The following AGBL4 variants were observed in gnomAD, a reference collection of about 807,000 sequenced individuals.
The protein encoded by AGBL4 is cytosolic carboxypeptidase 6.
Under a neutral mutation model 66.4 loss-of-function variants are expected in AGBL4, and 58 were observed. The ratio of observed to expected loss-of-function variants is 0.87; its 90% CI spans 0.71 to 1.09. The LOEUF (loss-of-function observed/expected upper bound fraction) is 1.09. Ranked by LOEUF, AGBL4 falls within the 50% of genes least tolerant of loss-of-function variation. The pLI, the probability that AGBL4 is intolerant of heterozygous loss-of-function variation, is 0.00. For missense variants in AGBL4, 579 were observed against 631.0 expected (o/e 0.92, Z 0.88); for synonymous variants, 234 against 222.9 (o/e 1.05, Z -0.44).
intron 2 of AGBL4, among the ~76,000 whole-genome samples, chr1:49,750,593 T>A (rs1651376387): frequency 6.6e-6 from 1 of 152,214 alleles, no homozygotes; most frequent in South Asian, 2.1e-4. Context: ...TGGTTCCATA[T>A]GAAATTTAAA....
chr1:49,747,003 A>G (rs925204446), intron 2 of AGBL4, among the ~76,000 whole-genome samples: 2 of 152,166 alleles, frequency 1.3e-5, no homozygotes, highest in African/African-American at 4.8e-5. Context: ...TCTAAAGTGA[A>G]AAAATACTCT....
intron 6 of AGBL4, chr1:48,742,594 G>A (rs1277330599): frequency 4.0e-6 from 6 of 1,496,110 alleles, no homozygotes; most frequent in Non-Finnish European, 4.5e-6. Context: ...AACACTTGCA[G>A]GGAATGGATA....
At chr1:48,557,761 C>G (rs1479307581) in intron 11 of AGBL4, among the ~76,000 whole-genome samples, 1 of 152,218 alleles carries the variant, frequency 6.6e-6, no homozygotes, top group Non-Finnish European at 1.5e-5. Context: ...ACCATAAGCT[C>G]TCAGAACAAT....
chr1:48,818,361 A>C, intron 6 of AGBL4: 1 of 685,986 alleles, frequency 1.5e-6, no homozygotes, highest in Non-Finnish European at 2.7e-6. Context: ...TACATGAAAC[A>C]TTGCACTAAG....
At chr1:48,589,957 A>G (rs1569909235) in intron 10 of AGBL4, among the ~76,000 whole-genome samples, 1 of 152,218 alleles carries the variant, frequency 6.6e-6, no homozygotes, top group East Asian at 1.9e-4. Context: ...AGTCAACTCC[A>G]TTAAAGAAGG....
At chr1:48,582,644 GC>G (rs1331740142) in intron 11 of AGBL4, among the ~76,000 whole-genome samples, 5 of 152,316 alleles carry the variant, frequency 3.3e-5, no homozygotes, top group Non-Finnish European at 5.9e-5. Flanking sequence ...CCTACCAGAT[GC>G]CAGGCAGTAC....
chr1:49,321,524 C>T (rs1494461), intron 3 of AGBL4, among the ~76,000 whole-genome samples: 92,132 of 151,966 alleles, frequency 0.61, 28,609 homozygotes, highest in Non-Finnish European at 0.67. Flanking sequence ...ATGGCAGCCT[C>T]TAATGAAATA....
chr1:49,693,750 A>G lies in AGBL4; in HGVS notation c.282+3563T>C, dbSNP rs563973423. Among the ~76,000 whole-genome samples the G allele has an allele frequency of 2.0e-5, 3 of 152,234 alleles. No individual in the cohort carries two copies. The South Asian group carries it at 6.2e-4, about 32-fold the overall frequency. Reference sequence around the variant, plus strand: ...ACAAAAAAGAAATAGAGCTTAATCAATCCAAGCATATCATTTTATTTTCTC... The same window carrying G: ...ACAAAAAAGAAATAGAGCTTAATCAGTCCAAGCATATCATTTTATTTTCTC... On this transcript the variant is annotated intron_variant, in intron 3 of 13. Transcript: ENST00000371839.
chr1:48,660,203 T>G (rs1447055621), intron 7 of AGBL4, among the ~76,000 whole-genome samples: 2 of 152,118 alleles, frequency 1.3e-5, no homozygotes, highest in Admixed American at 6.5e-5. Context: ...AGCAGAGTCT[T>G]GAGGAATCTG....
intron 3 of AGBL4, among the ~76,000 whole-genome samples, chr1:49,586,666 A>C (rs777995977): frequency 1.3e-4 from 19 of 151,972 alleles, no homozygotes; most frequent in South Asian, 8.3e-4. Flanking sequence ...GACTGACTGA[A>C]TGAATGAATG....
At chr1:49,387,838 G>T (rs1644766532) in intron 3 of AGBL4, among the ~76,000 whole-genome samples, 1 of 151,990 alleles carries the variant, frequency 6.6e-6, no homozygotes, top group Non-Finnish European at 1.5e-5. Context: ...ACAGGTAAGA[G>T]TTACAATATT....
intron 5 of AGBL4, among the ~76,000 whole-genome samples, chr1:49,007,411 T>A (rs1320125370): frequency 6.6e-6 from 1 of 150,550 alleles, no homozygotes; most frequent in African/African-American, 2.4e-5. Flanking sequence ...CTGGTGTACC[T>A]GAAAGTGACG....
intron 11 of AGBL4, among the ~76,000 whole-genome samples, chr1:48,542,941 A>G (rs1644098159): frequency 6.6e-6 from 1 of 152,162 alleles, no homozygotes; most frequent in Non-Finnish European, 1.5e-5. Context: ...TGCCTTTTGT[A>G]TACTGACTCA....
At chr1:48,874,781 G>T (rs1202175510) in intron 5 of AGBL4, among the ~76,000 whole-genome samples, 1 of 152,082 alleles carries the variant, frequency 6.6e-6, no homozygotes, top group South Asian at 2.1e-4. Context: ...TGAGGAAAGA[G>T]AGCAGAGATC....
chr1:50,002,356 GTTCTTT>G (rs1660817723), intron 1 of AGBL4, among the ~76,000 whole-genome samples: 2 of 110,696 alleles, frequency 1.8e-5, no homozygotes, highest in African/African-American at 7.8e-5. Flanking sequence ...ATCTGCCCTA[GTTCTTT>G]TTTTTTTTTT....
chr1:49,454,179 G>A (rs934720130), intron 3 of AGBL4, among the ~76,000 whole-genome samples: 1 of 151,694 alleles, frequency 6.6e-6, no homozygotes, highest in African/African-American at 2.4e-5. Context: ...ATCAGACAAC[G>A]ATATTCCATA....
At chr1:49,907,994 T>C (rs1284840135) in intron 1 of AGBL4, among the ~76,000 whole-genome samples, 1 of 152,172 alleles carries the variant, frequency 6.6e-6, no homozygotes, top group Non-Finnish European at 1.5e-5. Context: ...AAAAAGATTA[T>C]ACTGAGAATT....
At chr1:48,543,746 G>A (rs1474246636) in intron 11 of AGBL4, among the ~76,000 whole-genome samples, 1 of 152,194 alleles carries the variant, frequency 6.6e-6, no homozygotes, top group Non-Finnish European at 1.5e-5. Flanking sequence ...GCTGGGGTTG[G>A]ACATGGCCTA....
chr1:48,626,262 A>T (rs1645501219), intron 9 of AGBL4, among the ~76,000 whole-genome samples: 1 of 152,108 alleles, frequency 6.6e-6, no homozygotes, highest in African/African-American at 2.4e-5. Flanking sequence ...TCTCCACCCA[A>T]CTCCAGGGCA....
Sources: gnomAD v4.1 joint callset for allele counts (sites outside exome capture counted in the v4.1 genomes callset) on GRCh38, gnomAD v4.1.1 for gene constraint, MANE v1.5 for transcripts, NCBI Gene and HGNC (gene_info 2026-07-23, HGNC 2026-07-21) for gene names.